The following H2BC4 variants were observed in gnomAD, a reference collection of about 807,000 sequenced individuals.
H2BC4 encodes the protein H2B clustered histone 4.
In H2BC4, 10 loss-of-function variants were observed where a neutral mutation model predicts 6.2. That is an observed-to-expected ratio of 1.61 (90% CI 0.99 to 2.73). The LOEUF (loss-of-function observed/expected upper bound fraction) is 2.73. Ranked by LOEUF, H2BC4 falls within the 30% of genes most tolerant of loss-of-function variation. The pLI, the probability that H2BC4 is intolerant of heterozygous loss-of-function variation, is 0.00. For synonymous variants in H2BC4, 146 were observed against 70.7 expected (o/e 2.07, Z -5.35); for missense variants, 176 against 168.7 (o/e 1.04, Z -0.24).
downstream of H2BC4, among the ~76,000 whole-genome samples, chr6:26,122,053 CA>C (rs67046086): frequency 0.17 from 20,456 of 123,890 alleles, 1,292 homozygotes; most frequent in South Asian, 0.22. Context: ...AACTTCGTCT[CA>C]AAAAAAAAAA....
In H2BC4 at chr6:26,123,806, G is replaced by A. The variant is rs1442973313; in HGVS notation, c.99C>T (p.Ser33=). The A allele has an allele frequency of 6.2e-7, 1 of 1,614,258 alleles. No homozygotes were observed. The highest frequency in any genetic ancestry group is 2.2e-5 in the East Asian group (1 of 44,884). ...QKKDGKKRKR[S]RKESYSVYVY... ...CGTACACAGAGTAACTCTCCTTGCGGCTGCGCTTGCGCTTCTTGCCATCTT... is the reference window on the plus strand; with the variant it reads ...CGTACACAGAGTAACTCTCCTTGCGACTGCGCTTGCGCTTCTTGCCATCTT... The change falls in exon 1 of 1, where the codon AGC becomes AGT. Residue 33 remains serine (S), a synonymous_variant. Transcript: ENST00000396984.
downstream of H2BC4, among the ~76,000 whole-genome samples, chr6:26,121,947 G>A (rs1279460727): frequency 1.3e-5 from 2 of 151,696 alleles, no homozygotes; most frequent in Non-Finnish European, 2.9e-5. Flanking sequence ...CAGCTACTCC[G>A]GAGGCTGAGG....
chr6:26,116,105 G>C (rs776984666), intron 1 of H2BC4, among the ~76,000 whole-genome samples: 13 of 152,090 alleles, frequency 8.5e-5, no homozygotes, highest in Admixed American at 3.3e-4. Flanking sequence ...ACTTGATATG[G>C]TCAGAGAATA....
chr6:26,119,260 A>T (rs1150661), downstream of H2BC4, among the ~76,000 whole-genome samples: 5,787 of 152,258 alleles, frequency 0.038, 382 homozygotes, highest in African/African-American at 0.13. Flanking sequence ...TGGCGAAAGC[A>T]ACAGTATCTA....
chr6:26,113,711 T>C (rs1011108422), downstream of H2BC4, among the ~76,000 whole-genome samples: 2 of 152,180 alleles, frequency 1.3e-5, no homozygotes, highest in African/African-American at 2.4e-5. Context: ...CAAAATTTTA[T>C]CACAGTTCTG....
At chr6:26,120,043 C>A (rs1001849871), downstream of H2BC4, among the ~76,000 whole-genome samples, 32 of 151,856 alleles carry the variant, frequency 2.1e-4, no homozygotes, top group Middle Eastern at 3.5e-3. Context: ...TTTTTTTAGA[C>A]AAATGAGTTT....
rs1763553962 is a variant in H2BC4 at position 26,123,685 on chromosome 6, T to C, written c.220A>G (p.Ile74Val). The change falls in exon 1 of 1, where the codon ATC becomes GTC. Residue 74 changes from isoleucine to valine, a missense_variant. Transcript: ENST00000396984. ...GCCAGGCGGGAAGCCTCGCCCGCGATGCGCTCAAATATGTCGTTAACGAAA... is the reference window on the plus strand; with the variant it reads ...GCCAGGCGGGAAGCCTCGCCCGCGACGCGCTCAAATATGTCGTTAACGAAA... Reference protein sequence around the residue: ...NSFVNDIFERIAGEASRLAHY... With the variant: ...NSFVNDIFERVAGEASRLAHY... 6.2e-7 allele frequency: 1 copy of C among 1,614,154 alleles called. No homozygotes were observed. Among genetic ancestry groups the C allele is most frequent in the Non-Finnish European group, 8.5e-7 (1 of 1,180,058 alleles).
intron 1 of H2BC4, among the ~76,000 whole-genome samples, chr6:26,116,505 C>T (rs1253223207): frequency 6.6e-6 from 1 of 151,994 alleles, no homozygotes; most frequent in African/African-American, 2.4e-5. Flanking sequence ...CCAGCCTGGG[C>T]AACATAGTAA....
intron 1 of H2BC4, among the ~76,000 whole-genome samples, chr6:26,118,018 T>A (rs198830): frequency 0.46 from 69,985 of 152,082 alleles, 16,938 homozygotes; most frequent in Non-Finnish European, 0.54. Context: ...AACATTTCCA[T>A]GTTAGGTAGG....
downstream of H2BC4, among the ~76,000 whole-genome samples, chr6:26,113,272 T>G (rs1763382333): frequency 7.9e-5 from 12 of 152,376 alleles, 2 homozygotes; most frequent in South Asian, 2.5e-3. Context: ...TCCAAGACTA[T>G]AAGGATATCA....
At chr6:26,120,170 A>G (rs186708175), downstream of H2BC4, among the ~76,000 whole-genome samples, 314 of 152,352 alleles carry the variant, frequency 2.1e-3, 1 homozygote, top group African/African-American at 7.3e-3. Flanking sequence ...TTCATAAAAT[A>G]AGATAGTCTT....
chr6:26,115,342 C>A (rs953117431), intron 1 of H2BC4, among the ~76,000 whole-genome samples: 8 of 152,172 alleles, frequency 5.3e-5, no homozygotes, highest in East Asian at 1.9e-4. Flanking sequence ...TACTGTCATT[C>A]TCCCTGCGTT....
At position 26,123,834 on chromosome 6, in the gene H2BC4, T is replaced by G. The variant is rs1763559794; in HGVS notation, c.71A>C (p.Lys24Thr). Residue 24 changes from lysine (K) to threonine (T), a missense_variant, in exon 1 of 1, where the codon AAG becomes ACG. Physicochemically the swap from Lys to Thr is moderately conservative, Grantham distance 78 (BLOSUM62 -1). Transcript: ENST00000396984. ...GCGCTTGCGCTTCTTGCCATCTTTC[T>G]TCTGCGCTTTGGTCACTGCCTTCTT... ...GSKKAVTKAQ[K>T]KDGKKRKRSR... 6.2e-7 allele frequency: 1 copy of G among 1,614,274 alleles called. No homozygotes were observed. The highest frequency in any genetic ancestry group is 1.3e-5 in the African/African-American group (1 of 75,076).
chr6:26,114,845 A>C (rs1763399881), downstream of H2BC4: 1 of 151,954 alleles, frequency 6.6e-6, no homozygotes, highest in African/African-American at 2.4e-5. Context: ...GAATATGAGT[A>C]TATATAATAT....
downstream of H2BC4, among the ~76,000 whole-genome samples, chr6:26,118,928 T>C (rs184809142): frequency 2.6e-4 from 39 of 152,260 alleles, no homozygotes; most frequent in Non-Finnish European, 5.7e-4. Flanking sequence ...ATATAAATCA[T>C]GGCTATATAA....
intron 1 of H2BC4, among the ~76,000 whole-genome samples, chr6:26,118,163 TAAC>T (rs1763448533): frequency 6.6e-6 from 1 of 152,174 alleles, no homozygotes; most frequent in Admixed American, 6.5e-5. Context: ...AATGGCTTTG[TAAC>T]AACATTTAAT....
intron 1 of H2BC4, among the ~76,000 whole-genome samples, chr6:26,116,157 G>C (rs895874896): frequency 1.3e-5 from 2 of 152,062 alleles, no homozygotes; most frequent in Non-Finnish European, 2.9e-5. Context: ...TTTACCACAG[G>C]TAGCCTCCTC....
intron 1 of H2BC4, among the ~76,000 whole-genome samples, chr6:26,115,478 A>G (rs1330848039): frequency 6.6e-6 from 1 of 152,214 alleles, no homozygotes; most frequent in Non-Finnish European, 1.5e-5. Flanking sequence ...TAAAAGATGA[A>G]TGTAACCTAG....
At chr6:26,121,306 A>G (rs1390245025), downstream of H2BC4, among the ~76,000 whole-genome samples, 1 of 152,230 alleles carries the variant, frequency 6.6e-6, no homozygotes, top group African/African-American at 2.4e-5. Flanking sequence ...TACTACTGCC[A>G]CCAATATGCA....
Sources: gnomAD v4.1 joint callset for allele counts (sites outside exome capture counted in the v4.1 genomes callset) on GRCh38, gnomAD v4.1.1 for gene constraint, MANE v1.5 for transcripts, NCBI Gene and HGNC (gene_info 2026-07-23, HGNC 2026-07-21) for gene names.